ZNF652: variants seen among roughly 807,000 people sequenced by gnomAD.
ZNF652 encodes zinc finger protein 652.
Under a neutral mutation model 45.2 loss-of-function variants are expected in ZNF652, and 16 were observed. That is an observed-to-expected ratio of 0.35 (90% CI 0.24 to 0.54). ZNF652 has a LOEUF of 0.54. ZNF652 is among the 20% of genes least tolerant of loss of function. The probability of loss-of-function intolerance (pLI) is 0.91; values close to 1 mark genes in which losing one functional copy is unlikely to be tolerated. For missense variants in ZNF652, 614 were observed against 765.6 expected (o/e 0.80, Z 2.34); for synonymous variants, 250 against 260.6 (o/e 0.96, Z 0.39).
rs1056024387 is a variant in ZNF652, at chr17:49,289,863, C to G, written c.*8550G>C. On this transcript the variant is annotated 3_prime_UTR_variant, in exon 6 of 6. Transcript: ENST00000430262. Reference sequence around the variant, plus strand: ...CATCCTTATGACCTAGCAGGCAGAACAGGGACCAAGCAGCTTCTATTTTGT... The same window carrying G: ...CATCCTTATGACCTAGCAGGCAGAAGAGGGACCAAGCAGCTTCTATTTTGT... 3.9e-5 allele frequency: 6 copies of G among 152,274 alleles called. No homozygotes were observed. Among genetic ancestry groups the G allele is most frequent in the African/African-American group, 1.4e-4 (6 of 41,462 alleles). 9.4% of individuals were successfully genotyped at this position (152,274 alleles called of 1,614,324 possible). A position where few individuals can be genotyped will look rare whatever the true frequency, so the allele number is the denominator to read the frequency against.
At chr17:49,331,549 G>A (rs1329447863) in intron 1 of ZNF652, among the ~76,000 whole-genome samples, 1 of 152,096 alleles carries the variant, frequency 6.6e-6, no homozygotes, top group Non-Finnish European at 1.5e-5. Context: ...TATGAGAGAT[G>A]TCAAATTGAC....
chr17:49,336,630 C>CTT lies in ZNF652; in HGVS notation c.-258-18649_-258-18648dup, dbSNP rs35620384. Among the ~76,000 whole-genome samples the CTT allele has an allele frequency of 2.1e-3, 294 of 141,740 alleles. 2 individuals carry two copies. Among genetic ancestry groups the CTT allele is most frequent in the African/African-American group, 6.8e-3 (264 of 38,870 alleles). The allele number at this position is 141,740 out of a possible 152,430, so 93.0% of individuals were successfully genotyped here. A position where few individuals can be genotyped will look rare whatever the true frequency, so the allele number is the denominator to read the frequency against. On this transcript the variant is annotated intron_variant, in intron 1 of 5. Coordinates refer to ENST00000430262, the MANE Select transcript of ZNF652 (RefSeq NM_001145365.3). The stretch of plus-strand genomic sequence containing the variant: ...GTGAGCCACGGTGCCCGGCCTTTTA[C>CTT]TTTTTTTTTTTTTTGAGACAGAGTC...
chr17:49,305,447 A>AAAAT (rs1458443768), intron 5 of ZNF652, among the ~76,000 whole-genome samples: 7 of 152,296 alleles, frequency 4.6e-5, no homozygotes, highest in Admixed American at 2.0e-4. Flanking sequence ...ACTCTGTTTC[A>AAAAT]AAATAAATAA....
At chr17:49,320,215 T>G (rs973029885) in intron 1 of ZNF652, among the ~76,000 whole-genome samples, 59 of 152,342 alleles carry the variant, frequency 3.9e-4, no homozygotes, top group African/African-American at 1.4e-3. Flanking sequence ...ACTCCTATGC[T>G]AATCCTTTGT....
chr17:49,315,260 C>T (rs914074904), intron 2 of ZNF652, among the ~76,000 whole-genome samples: 1 of 151,630 alleles, frequency 6.6e-6, no homozygotes. Flanking sequence ...AGGCTGGTCT[C>T]GAACTCCTGA....
intron 1 of ZNF652, among the ~76,000 whole-genome samples, chr17:49,353,831 C>A (rs886685700): frequency 2.6e-5 from 4 of 152,196 alleles, no homozygotes; most frequent in Non-Finnish European, 4.4e-5. Flanking sequence ...AAATAAACAA[C>A]AGTTCTAGAT....
intron 1 of ZNF652, among the ~76,000 whole-genome samples, chr17:49,332,426 C>T (rs2070034821): frequency 6.6e-6 from 1 of 152,172 alleles, no homozygotes; most frequent in South Asian, 2.1e-4. Context: ...AAATTGCTAA[C>T]ACACCTCTGC....
rs1488075410 is a variant in ZNF652 at position 49,296,860 on chromosome 17, G to A, written c.*1553C>T. On this transcript the variant is annotated 3_prime_UTR_variant, in exon 6 of 6. Transcript: ENST00000430262. ...AGTCTGGATAAATATGATCTGTTAA[G>A]TGTAATCAATACACTAGCCCTTCTG... is the stretch of plus-strand genomic sequence containing the variant. 1.3e-5 allele frequency: 2 copies of A among 152,158 alleles called. No individual in the cohort carries two copies. Among genetic ancestry groups the A allele is most frequent in the Non-Finnish European group, 2.9e-5 (2 of 68,036 alleles). 9.4% of individuals were successfully genotyped at this position (152,158 alleles called of 1,614,324 possible).
intron 1 of ZNF652, among the ~76,000 whole-genome samples, chr17:49,360,472 C>G (rs1202219219): frequency 6.6e-6 from 1 of 152,128 alleles, no homozygotes; most frequent in African/African-American, 2.4e-5. Context: ...ATCACTAAAA[C>G]TTAGTGAACA....
chr17:49,299,027 G>T, intron 5 of ZNF652, 103 bp from the exon 6 acceptor site: 2 of 1,278,324 alleles, frequency 1.6e-6, no homozygotes, highest in Non-Finnish European at 2.1e-6. Flanking sequence ...TGTTGATCAG[G>T]CTGGTCTCGA....
chr17:49,342,968 G>A (rs2070165569), intron 1 of ZNF652, among the ~76,000 whole-genome samples: 3 of 150,182 alleles, frequency 2.0e-5, no homozygotes, highest in Admixed American at 6.7e-5. Context: ...TGCAACCTCC[G>A]CCTACCAGGT....
At chr17:49,342,920 C>T (rs1351778325) in intron 1 of ZNF652, among the ~76,000 whole-genome samples, 1 of 149,766 alleles carries the variant, frequency 6.7e-6, no homozygotes, top group Non-Finnish European at 1.5e-5. Flanking sequence ...CTTGCTCTGT[C>T]ACCCAGTCTG....
intron 5 of ZNF652, among the ~76,000 whole-genome samples, chr17:49,301,949 A>G (rs976135306): frequency 6.6e-6 from 1 of 151,538 alleles, no homozygotes; most frequent in African/African-American, 2.4e-5. Flanking sequence ...GATGGAAAAT[A>G]CCACTGAAAA....
intron 1 of ZNF652, among the ~76,000 whole-genome samples, chr17:49,342,013 C>T (rs900373497): frequency 2.6e-5 from 4 of 152,022 alleles, no homozygotes; most frequent in Admixed American, 6.6e-5. Flanking sequence ...TGGCGAAACC[C>T]CATCTCTACT....
chr17:49,358,172 G>C (rs2070357200), intron 1 of ZNF652, among the ~76,000 whole-genome samples: 1 of 152,182 alleles, frequency 6.6e-6, no homozygotes, highest in Admixed American at 6.5e-5. Context: ...AAAGTGACTT[G>C]TTCAATATCA....
At position 49,311,296 on chromosome 17, in the gene ZNF652, C is replaced by T. The variant is rs1335301741; in HGVS notation, c.1309+16G>A. The T allele has an allele frequency of 6.2e-7, 1 of 1,613,226 alleles. No homozygotes were observed. The highest frequency in any genetic ancestry group is 1.1e-5 in the South Asian group (1 of 90,978). Reference sequence around the variant, plus strand: ...TGCTTGAGACATTATCTGTACCTTTCCCAAGAAATTCTTACCAGTGTGTGT... The same window carrying T: ...TGCTTGAGACATTATCTGTACCTTTTCCAAGAAATTCTTACCAGTGTGTGT... On this transcript the variant is annotated intron_variant, in intron 5 of 5. Transcript: ENST00000430262.
intron 1 of ZNF652, among the ~76,000 whole-genome samples, chr17:49,343,436 C>T (rs1412717202): frequency 1.3e-5 from 2 of 152,084 alleles, no homozygotes; most frequent in Admixed American, 1.3e-4. Flanking sequence ...CCTACGAACA[C>T]CAAAGTGACA....
At position 49,292,203 on chromosome 17, in the gene ZNF652, T is replaced by C. The variant is rs2069412869; in HGVS notation, c.*6210A>G. On this transcript the variant is annotated 3_prime_UTR_variant, in exon 6 of 6. Coordinates refer to ENST00000430262, the MANE Select transcript of ZNF652 (RefSeq NM_001145365.3). ...AAAAAATGCAATCAAATCTCCTCAT[T>C]TGAAAGAGTTCTTTTTTTTTTTCCT... Among the ~76,000 whole-genome samples, 1 of 152,202 alleles carries C rather than the reference T, an allele frequency of 6.6e-6. No individual in the cohort carries two copies.
At chr17:49,316,704 A>C (rs776985416) in intron 2 of ZNF652, 122 bp downstream of exon 2, 4 of 1,056,018 alleles carry the variant, frequency 3.8e-6, no homozygotes, top group Non-Finnish European at 4.0e-6. Flanking sequence ...TTTTCAAATG[A>C]TAAATTGGTG....
Sources: allele counts gnomAD v4.1 joint callset (sites outside exome capture counted in the v4.1 genomes callset), GRCh38; gene constraint gnomAD v4.1.1; transcripts MANE v1.5; gene names NCBI Gene and HGNC (gene_info 2026-07-23, HGNC 2026-07-21).